MICU3: variants seen among roughly 807,000 people sequenced by gnomAD.
MICU3 encodes calcium uptake protein 3, mitochondrial.
MICU3 carries 62 observed loss-of-function variants against 66.5 expected under a neutral mutation model. That is an observed-to-expected ratio of 0.93 (90% CI 0.76 to 1.15). The LOEUF is 1.15. Among genes scored for constraint, MICU3 ranks in the 50% most tolerant of loss-of-function variants. The pLI is 0.00. For missense variants in MICU3, 779 were observed against 664.4 expected (o/e 1.17, Z -1.90); for synonymous variants, 308 against 240.7 (o/e 1.28, Z -2.59).
chr8:17,106,412 T>C (rs1208407056), intron 11 of MICU3, among the ~76,000 whole-genome samples: 1 of 152,008 alleles, frequency 6.6e-6, no homozygotes, highest in African/African-American at 2.4e-5. Context: ...TAGAGTACTT[T>C]TTGTCTGTTG....
At chr8:17,068,864 T>G (rs1819112093) in intron 2 of MICU3, among the ~76,000 whole-genome samples, 2 of 152,144 alleles carry the variant, frequency 1.3e-5, no homozygotes, top group South Asian at 4.1e-4. Context: ...CTGAAATAAT[T>G]AATATTAACC....
At chr8:17,087,386 T>G (rs1353708954) in intron 7 of MICU3, among the ~76,000 whole-genome samples, 1 of 151,994 alleles carries the variant, frequency 6.6e-6, no homozygotes, top group Non-Finnish European at 1.5e-5. Context: ...TGAGAGAATT[T>G]AGTGGTAATA....
chr8:17,118,722 C>T lies in MICU3; in HGVS notation c.1540C>T (p.Gln514Ter). ...HRGFRGYKTV[Q>*]KYPTFKSCLK... ...TGTTTTACAGGGTTATAAAACAGTC[C>T]AGAAGTACCCCACTTTCAAATCCTG... The change falls in exon 14 of 15, where the codon CAG (glutamine) becomes TAG (stop). Residue 514 changes from glutamine (Q) to a stop codon, truncating the protein, a stop_gained. Coordinates refer to ENST00000318063, the MANE Select transcript of MICU3 (RefSeq NM_181723.3). LOFTEE classifies it high-confidence loss of function. 1 of 1,611,128 alleles carries T rather than the reference C, an allele frequency of 6.2e-7. No individual in the cohort carries two copies. The highest frequency in any genetic ancestry group is 8.5e-7 in the Non-Finnish European group (1 of 1,177,658).
At chr8:17,077,405 C>G (rs1820534031) in intron 3 of MICU3, among the ~76,000 whole-genome samples, 1 of 152,152 alleles carries the variant, frequency 6.6e-6, no homozygotes, top group Non-Finnish European at 1.5e-5. Flanking sequence ...GTGACCATCT[C>G]CGACCTTGAT....
rs567140331 is a variant in MICU3 at position 17,038,814 on chromosome 8, G to A, written c.381+11154G>A. 1.1e-4 allele frequency among the ~76,000 whole-genome samples: 16 copies of A among 152,140 alleles called. No individual in the cohort carries two copies. In the East Asian group the frequency reaches 1.7e-3, roughly 17 times the overall value. On this transcript the variant is annotated intron_variant, in intron 1 of 14. Transcript: ENST00000318063. ...TGAAAGTACAAAAAATTAGCCAGGC[G>A]TGGTGGCAGTCGCCTGTAGTCCCAG...
chr8:17,074,639 C>A (rs1389793905), intron 3 of MICU3, among the ~76,000 whole-genome samples: 1 of 142,842 alleles, frequency 7.0e-6, no homozygotes, highest in Admixed American at 6.9e-5. Flanking sequence ...GTGTGTTTAA[C>A]TTGCCACCCC....
chr8:17,111,916 T>G (rs1802235443), intron 11 of MICU3, among the ~76,000 whole-genome samples: 1 of 152,230 alleles, frequency 6.6e-6, no homozygotes. Flanking sequence ...CTGAGAAAAC[T>G]TACAATCATG....
Position 17,114,195 on chromosome 8 carries a change from G to T in MICU3, c.1360G>T (p.Gly454Trp). The change falls in exon 12 of 15, where the codon GGG becomes TGG. Residue 454 changes from glycine to tryptophan, a missense_variant. Gly to Trp is a radical substitution (Grantham distance 184). Coordinates refer to ENST00000318063, the MANE Select transcript of MICU3 (RefSeq NM_181723.3). Reference protein sequence around the residue: ...NMYNFASRSIGQDEFKRAVYV... With the variant: ...NMYNFASRSIWQDEFKRAVYV... ...GTATAACTTTGCAAGTCGTTCTATA[G>T]GGCAAGGTAAGTAATCATCTACAAA... 6.3e-7 allele frequency: 1 copy of T among 1,589,642 alleles called. No individual in the cohort carries two copies. Among genetic ancestry groups the T allele is most frequent in the East Asian group, 2.2e-5 (1 of 44,668 alleles).
At chr8:17,036,737 G>T (rs1334990234) in intron 1 of MICU3, among the ~76,000 whole-genome samples, 2 of 152,226 alleles carry the variant, frequency 1.3e-5, no homozygotes, top group African/African-American at 4.8e-5. Context: ...CCAGACTCAG[G>T]AGCCCAGCTG....
chr8:17,118,621 T>G, intron 13 of MICU3, 86 bp from the exon 14 acceptor site: 1 of 870,600 alleles, frequency 1.1e-6, no homozygotes, highest in South Asian at 1.6e-5. Flanking sequence ...TTCTATGAGT[T>G]TGACTTTTTA....
chr8:17,134,935 G>A, the MICU3 span, among the ~76,000 whole-genome samples: 11 of 152,272 alleles, frequency 7.2e-5, no homozygotes, highest in East Asian at 3.9e-4. Flanking sequence ...GACACATGAC[G>A]TTAACCATCA....
chr8:17,029,268 G>C (rs1039197348), intron 1 of MICU3, among the ~76,000 whole-genome samples: 2 of 152,204 alleles, frequency 1.3e-5, no homozygotes, highest in Non-Finnish European at 2.9e-5. Flanking sequence ...CTGAGGTCAG[G>C]AGTTCGAGAC....
intron 1 of MICU3, among the ~76,000 whole-genome samples, chr8:17,040,738 C>T (rs1813926980): frequency 1.3e-5 from 2 of 152,128 alleles, no homozygotes; most frequent in South Asian, 2.1e-4. Flanking sequence ...TATAGTGGCA[C>T]ATGTAAAATT....
In MICU3 at chr8:17,027,307, C is replaced by T; in HGVS notation, c.28C>T (p.Pro10Ser). Residue 10 changes from proline to serine, a missense_variant, in exon 1 of 15, where the codon CCG becomes TCG. By Grantham distance (74) the Pro-to-Ser change is moderately conservative. Transcript: ENST00000318063. ...GGCTGCGCTGCGAAGGCTCTTGTGG[C>T]CGCCACCCCGGGTGTCTCCTCCACT... is the stretch of plus-strand genomic sequence containing the variant. Reference protein sequence around the residue: MAALRRLLWPPPRVSPPLCA... With the variant: MAALRRLLWSPPRVSPPLCA... 1.4e-6 allele frequency: 2 copies of T among 1,381,446 alleles called. No homozygotes were observed. The highest frequency in any genetic ancestry group is 1.9e-6 in the Non-Finnish European group (2 of 1,053,938). The allele number at this position is 1,381,446 out of a possible 1,614,324, so 85.6% of individuals were successfully genotyped here.
intron 1 of MICU3, among the ~76,000 whole-genome samples, chr8:17,052,194 A>G (rs1380531274): frequency 6.6e-6 from 1 of 152,180 alleles, no homozygotes. Context: ...TAATACAAGT[A>G]GAGACTTAAA....
At chr8:17,073,778 T>C (rs1331762713) in intron 3 of MICU3, among the ~76,000 whole-genome samples, 1 of 152,030 alleles carries the variant, frequency 6.6e-6, no homozygotes, top group African/African-American at 2.4e-5. Flanking sequence ...AATGAAAAAT[T>C]TGTGAAATAG....
At chr8:17,064,009 A>T (rs1039034439) in intron 1 of MICU3, 75 bp from the exon 2 acceptor site, 89 of 1,138,476 alleles carry the variant, frequency 7.8e-5, no homozygotes, top group Middle Eastern at 2.1e-4. Context: ...ATTCACTTTC[A>T]ACATAATTAA....
At chr8:17,114,262 T>C in intron 12 of MICU3, 61 bp downstream of exon 12, 1 of 1,098,380 alleles carries the variant, frequency 9.1e-7, no homozygotes, top group Non-Finnish European at 1.3e-6. Context: ...TCTATAGATT[T>C]TGGCAACCAA....
At position 17,031,361 on chromosome 8, in the gene MICU3, A is replaced by G. The variant is rs1812039817; in HGVS notation, c.381+3701A>G. ...GGACTGCAGGGGTGTGATCTCAGTCACTGGAACTTCACCTCCCAGGTTCAA... is the reference window on the plus strand; with the variant it reads ...GGACTGCAGGGGTGTGATCTCAGTCGCTGGAACTTCACCTCCCAGGTTCAA... On this transcript the variant is annotated intron_variant, in intron 1 of 14. Coordinates refer to ENST00000318063, the MANE Select transcript of MICU3 (RefSeq NM_181723.3). Among the ~76,000 whole-genome samples the G allele has an allele frequency of 2.6e-5, 4 of 150,992 alleles. No individual in the cohort carries two copies. The South Asian group carries it at 8.3e-4, about 32-fold the overall frequency.
Sources: gnomAD v4.1 joint callset for allele counts (sites outside exome capture counted in the v4.1 genomes callset) on GRCh38, gnomAD v4.1.1 for gene constraint, MANE v1.5 for transcripts, NCBI Gene and HGNC (gene_info 2026-07-23, HGNC 2026-07-21) for gene names.